Variants in XPNPEP1 observed in about 807,000 individuals in gnomAD.
The protein encoded by XPNPEP1 is X-prolyl aminopeptidase 1.
Under a neutral mutation model 92.4 loss-of-function variants are expected in XPNPEP1, and 39 were observed. The observed-to-expected ratio is 0.42, with a 90% CI of 0.33 to 0.55. The LOEUF is 0.55. XPNPEP1 is among the 20% of genes least tolerant of loss of function. The probability of loss-of-function intolerance (pLI) is 0.08; values close to 1 mark genes in which losing one functional copy is unlikely to be tolerated. For missense variants in XPNPEP1, 654 were observed against 856.1 expected, an observed-to-expected ratio of 0.76 and a Z score of 2.95; for synonymous variants, 307 against 299.4, an observed-to-expected ratio of 1.03 and a Z score of -0.26.
intron 20 of XPNPEP1, among the ~76,000 whole-genome samples, chr10:109,866,850 C>T (rs1236053856): frequency 6.6e-6 from 1 of 152,254 alleles, no homozygotes; most frequent in Non-Finnish European, 1.5e-5. Context: ...ATAGTTCAAT[C>T]ATGTGGGCAT....
intron 5 of XPNPEP1, among the ~76,000 whole-genome samples, chr10:109,890,173 C>G (rs937247213): frequency 3.3e-5 from 5 of 152,236 alleles, no homozygotes; most frequent in Admixed American, 6.5e-5. Flanking sequence ...TCTGCCACCC[C>G]CTTGCTGCCA....
chr10:109,918,310 A>G (rs1850300864), intron 1 of XPNPEP1, among the ~76,000 whole-genome samples: 1 of 152,098 alleles, frequency 6.6e-6, no homozygotes, highest in Non-Finnish European at 1.5e-5. Flanking sequence ...GGTCCCAGCT[A>G]CTTAGGAGGC....
chr10:109,890,593 TGAGAGAGAGAGAGAGA>T (rs34618002), intron 5 of XPNPEP1, among the ~76,000 whole-genome samples: 1 of 104,064 alleles, frequency 9.6e-6, no homozygotes, highest in Admixed American at 1.1e-4. Context: ...TGTGTGTGTG[TGAGAGAGAGAGAGAGA>T]GAGAGAGAGA....
chr10:109,865,282 A>G lies in XPNPEP1; in HGVS notation c.1903T>C (p.Cys635Arg). 1 of 1,614,160 alleles carries G rather than the reference A, an allele frequency of 6.2e-7. No homozygotes were observed. The highest frequency in any genetic ancestry group is 8.5e-7 in the Non-Finnish European group (1 of 1,180,032). ...AATTCCTTCCCAATCACATCCCTGC[A>G]GGTCAGGTGGTAATTGTTGAGCCAG... ...CDWLNNYHLT[C>R]RDVIGKELQK... Residue 635 changes from cysteine (C) to arginine (R), a missense_variant, in exon 21 of 21, where the codon TGC (cysteine) becomes CGC (arginine). Transcript: ENST00000502935.
At chr10:109,892,895 T>C (rs907569799) in intron 4 of XPNPEP1, 117 bp downstream of exon 4, 62 of 999,992 alleles carry the variant, frequency 6.2e-5, no homozygotes, top group Admixed American at 4.7e-4. Flanking sequence ...AGAGTCAATG[T>C]GGAGCATCTG....
intron 8 of XPNPEP1, among the ~76,000 whole-genome samples, chr10:109,885,028 A>G (rs1024506866): frequency 6.6e-5 from 10 of 152,246 alleles, no homozygotes; most frequent in Admixed American, 3.9e-4. Context: ...ACAAATTCAA[A>G]TACAAAGGTG....
chr10:109,913,747 C>A (rs1431576657), intron 2 of XPNPEP1, among the ~76,000 whole-genome samples: 1 of 152,196 alleles, frequency 6.6e-6, no homozygotes, highest in East Asian at 1.9e-4. Context: ...CTAAGACCAA[C>A]AGAAGCAAAA....
chr10:109,922,235 G>A (rs1440903218), intron 1 of XPNPEP1, among the ~76,000 whole-genome samples: 2 of 152,086 alleles, frequency 1.3e-5, no homozygotes, highest in South Asian at 2.1e-4. Context: ...ACTTTCCTTT[G>A]AGGTAAAAAA....
chr10:109,902,074 T>C (rs1642673784), intron 3 of XPNPEP1, among the ~76,000 whole-genome samples: 2 of 152,376 alleles, frequency 1.3e-5, no homozygotes, highest in South Asian at 2.1e-4. Context: ...ACAGTGCTAA[T>C]GAGGTCCTTT....
chr10:109,923,128 G>A (rs1850646213), intron 1 of XPNPEP1: 4 of 979,204 alleles, frequency 4.1e-6, no homozygotes, highest in Non-Finnish European at 4.9e-6. Context: ...CCCTCAGGCC[G>A]AGTGCAGCAG....
At chr10:109,887,957 C>T (rs1463249144) in intron 7 of XPNPEP1, 92 bp downstream of exon 7, 4 of 1,527,524 alleles carry the variant, frequency 2.6e-6, no homozygotes, top group African/African-American at 1.4e-5. Context: ...AGCTCCAACT[C>T]GACTTGGATT....
At chr10:109,870,435 T>G (rs1847391765) in intron 18 of XPNPEP1, among the ~76,000 whole-genome samples, 1 of 151,998 alleles carries the variant, frequency 6.6e-6, no homozygotes, top group Non-Finnish European at 1.5e-5. Flanking sequence ...AAGATCTCAA[T>G]GATTTAAAAA....
In XPNPEP1 at chr10:109,888,046, G is replaced by A. The variant is rs1848493547; in HGVS notation, c.652+3C>T. On this transcript the variant is annotated splice_donor_region_variant and intron_variant, in intron 7 of 20. Coordinates refer to ENST00000502935, the MANE Select transcript of XPNPEP1 (RefSeq NM_020383.4). The stretch of plus-strand genomic sequence containing the variant: ...CCTGCTGGGCAGAACCATTGATTCT[G>A]ACCTGTGTAATCCAGGCCCAGTGTG... 1 of 1,613,790 alleles carries A rather than the reference G, an allele frequency of 6.2e-7. No homozygotes were observed.
intron 1 of XPNPEP1, among the ~76,000 whole-genome samples, chr10:109,919,264 AG>A (rs1221610784): frequency 6.6e-6 from 1 of 152,244 alleles, no homozygotes; most frequent in African/African-American, 2.4e-5. Flanking sequence ...GAATATATAA[AG>A]AACTATTATA....
Position 109,868,674 on chromosome 10 carries a change from A to C in XPNPEP1, c.1812T>G (p.Pro604=). 6.2e-6 allele frequency: 10 copies of C among 1,614,044 alleles called. No homozygotes were observed. Among genetic ancestry groups the C allele is most frequent in the Non-Finnish European group, 8.5e-6 (10 of 1,179,966 alleles). Reference sequence around the variant, plus strand: ...TGGTCTGAATTGGAACCAATGTTAGAGGTTCAAAGGTCAGGCTTCCCCGGT... The same window carrying C: ...TGGTCTGAATTGGAACCAATGTTAGCGGTTCAAAGGTCAGGCTTCCCCGGT... ...FNNRGSLTFE[P]LTLVPIQTKM... The change falls in exon 20 of 21, where the codon CCT becomes CCG. Residue 604 remains proline, a synonymous_variant. Transcript: ENST00000502935.
chr10:109,888,467 T>C (rs760676585), intron 6 of XPNPEP1, 36 bp downstream of exon 6: 4 of 1,575,414 alleles, frequency 2.5e-6, no homozygotes, highest in Non-Finnish European at 2.6e-6. Flanking sequence ...AGAAGCCACT[T>C]CCTTACCCAA....
chr10:109,874,209 G>A (rs1255753674), intron 15 of XPNPEP1, among the ~76,000 whole-genome samples: 6 of 152,278 alleles, frequency 3.9e-5, no homozygotes, highest in South Asian at 2.1e-4. Flanking sequence ...TGGGAGTGAC[G>A]TCAGCCCCTG....
chr10:109,891,944 G>A (rs1848728022), intron 4 of XPNPEP1, 118 bp from the exon 5 acceptor site: 2 of 878,426 alleles, frequency 2.3e-6, no homozygotes, highest in South Asian at 3.2e-5. Flanking sequence ...TAGTGGGGCA[G>A]ATGGGTCCTT....
intron 3 of XPNPEP1, among the ~76,000 whole-genome samples, chr10:109,902,346 C>T (rs934176821): frequency 6.6e-6 from 1 of 152,236 alleles, no homozygotes; most frequent in East Asian, 1.9e-4. Context: ...TCACAATCTC[C>T]TTTTTGCGAA....
Sources: allele counts gnomAD v4.1 joint callset (sites outside exome capture counted in the v4.1 genomes callset), GRCh38; gene constraint gnomAD v4.1.1; transcripts MANE v1.5; gene names NCBI Gene and HGNC (gene_info 2026-07-23, HGNC 2026-07-21).